Variants in GPC5 observed in about 807,000 individuals in gnomAD.
GPC5 encodes glypican 5, also known as glypican-5.
In GPC5, 47 loss-of-function variants were observed where a neutral mutation model predicts 53.9. The observed-to-expected ratio is 0.87, with a 90% CI of 0.69 to 1.11. The LOEUF (loss-of-function observed/expected upper bound fraction) is 1.11, where lower values mean the gene tolerates loss of function less well. Ranked by LOEUF, GPC5 falls within the 50% of genes most tolerant of loss-of-function variation. The pLI is 0.00. For missense variants in GPC5, 748 were observed against 713.1 expected (o/e 1.05, Z -0.56); for synonymous variants, 286 against 263.3 (o/e 1.09, Z -0.84).
intron 7 of GPC5, among the ~76,000 whole-genome samples, chr13:92,570,810 T>G (rs1180370145): frequency 6.6e-6 from 1 of 152,162 alleles, no homozygotes; most frequent in Non-Finnish European, 1.5e-5. Flanking sequence ...TTACATCTAT[T>G]TTTATGGCAC....
At chr13:92,330,398 T>C (rs569487172) in intron 7 of GPC5, among the ~76,000 whole-genome samples, 1 of 152,304 alleles carries the variant, frequency 6.6e-6, no homozygotes, top group African/African-American at 2.4e-5. Context: ...AGGTTGGGCC[T>C]TCATTTACTA....
At chr13:92,797,366 C>T (rs975151398) in intron 7 of GPC5, among the ~76,000 whole-genome samples, 5 of 151,814 alleles carry the variant, frequency 3.3e-5, no homozygotes, top group Non-Finnish European at 5.9e-5. Flanking sequence ...CCCCATTAAC[C>T]TGTTTCTTGA....
chr13:91,663,468 T>C (rs945920417), intron 2 of GPC5, among the ~76,000 whole-genome samples: 2 of 152,172 alleles, frequency 1.3e-5, no homozygotes, highest in Non-Finnish European at 2.9e-5. Context: ...TCTTTGCTTT[T>C]CTTTTTAGAG....
chr13:92,186,679 C>G (rs889390958), intron 7 of GPC5, among the ~76,000 whole-genome samples: 1 of 152,172 alleles, frequency 6.6e-6, no homozygotes, highest in East Asian at 1.9e-4. Flanking sequence ...TAACTCACTA[C>G]TGACTGCATC....
intron 7 of GPC5, among the ~76,000 whole-genome samples, chr13:92,785,106 T>C (rs1384689664): frequency 6.6e-6 from 1 of 152,018 alleles, no homozygotes; most frequent in Non-Finnish European, 1.5e-5. Context: ...TGAAACCCTG[T>C]CTCTACTTTA....
chr13:91,571,855 A>G lies in GPC5; in HGVS notation c.326-121332A>G, dbSNP rs1345948082. Among the ~76,000 whole-genome samples the G allele has an allele frequency of 1.1e-4, 15 of 132,738 alleles. 1 individual carries two copies. Among genetic ancestry groups the G allele is most frequent in the South Asian group, 2.6e-4 (1 of 3,782 alleles). 87.1% of individuals were successfully genotyped at this position (132,738 alleles called of 152,430 possible). On this transcript the variant is annotated intron_variant, in intron 2 of 7. Transcript: ENST00000377067. ...CACATATACTTGTGTGTATATACAC[A>G]TATACGTGTGTGTATATATACACAC...
chr13:92,309,229 A>G (rs1052523380), intron 7 of GPC5, among the ~76,000 whole-genome samples: 2 of 152,034 alleles, frequency 1.3e-5, no homozygotes, highest in Admixed American at 1.3e-4. Flanking sequence ...GGTATACCGC[A>G]ATGATTGAGG....
At position 92,007,676 on chromosome 13, in the gene GPC5, C is replaced by A. The variant is rs765805863; in HGVS notation, c.1401+99619C>A. ...TCTCTGCTTTTTTAGAACTTTGAAT[C>A]GTTAGTTTTTAGTGTAATTATTAAT... is the stretch of plus-strand genomic sequence containing the variant. On this transcript the variant is annotated intron_variant, in intron 6 of 7. Transcript: ENST00000377067. Among the ~76,000 whole-genome samples, 180 of 151,960 alleles carry A rather than the reference C, an allele frequency of 1.2e-3. 3 individuals are homozygous for A. The highest frequency in any genetic ancestry group is 3.5e-4 in the Non-Finnish European group (24 of 67,978).
At chr13:91,687,570 G>A (rs1422276390) in intron 2 of GPC5, among the ~76,000 whole-genome samples, 1 of 151,844 alleles carries the variant, frequency 6.6e-6, no homozygotes, top group Non-Finnish European at 1.5e-5. Flanking sequence ...ATAAGGCTGG[G>A]AAGAATTACA....
At chr13:92,376,597 CTG>C (rs968332417) in intron 7 of GPC5, among the ~76,000 whole-genome samples, 1 of 152,132 alleles carries the variant, frequency 6.6e-6, no homozygotes, top group Non-Finnish European at 1.5e-5. Flanking sequence ...AAGTAGAAAA[CTG>C]TATTCTAAAG....
At chr13:91,699,934 G>T (rs1053985239) in intron 3 of GPC5, among the ~76,000 whole-genome samples, 2 of 151,594 alleles carry the variant, frequency 1.3e-5, no homozygotes, top group African/African-American at 4.8e-5. Context: ...AGGTAATTTT[G>T]TTTTTTTTCA....
intron 6 of GPC5, among the ~76,000 whole-genome samples, chr13:92,122,873 A>G (rs575013668): frequency 3.4e-4 from 52 of 152,106 alleles, no homozygotes; most frequent in African/African-American, 1.1e-3. Context: ...GCAACAAAAA[A>G]AAGCAATTTT....
intron 5 of GPC5, among the ~76,000 whole-genome samples, chr13:91,757,694 C>G (rs2037325002): frequency 6.6e-6 from 1 of 152,132 alleles, no homozygotes; most frequent in Admixed American, 6.6e-5. Context: ...CCATGCTGAA[C>G]TATGAGTCAA....
At chr13:92,828,694 T>G (rs1416189520) in intron 7 of GPC5, among the ~76,000 whole-genome samples, 1 of 152,112 alleles carries the variant, frequency 6.6e-6, no homozygotes, top group African/African-American at 2.4e-5. Context: ...AAGTCCACTA[T>G]GAGGAGGATC....
chr13:92,197,412 G>A (rs997510577), intron 7 of GPC5, among the ~76,000 whole-genome samples: 1 of 152,152 alleles, frequency 6.6e-6, no homozygotes, highest in Admixed American at 6.5e-5. Context: ...ATATCAGGAA[G>A]TAAAAGGGAA....
chr13:91,868,171 A>G (rs2138925034), intron 5 of GPC5, among the ~76,000 whole-genome samples: 1 of 152,344 alleles, frequency 6.6e-6, no homozygotes, highest in South Asian at 2.1e-4. Context: ...AATATAAGCT[A>G]TATAAGCTGT....
At chr13:91,850,671 C>G (rs868400244) in intron 5 of GPC5, among the ~76,000 whole-genome samples, 5 of 151,746 alleles carry the variant, frequency 3.3e-5, no homozygotes, top group African/African-American at 9.7e-5. Flanking sequence ...TTTCAAAGAT[C>G]TATTTTTTAA....
rs575862030 is a variant in GPC5, at chr13:92,533,777, C to T, written c.1562-332505C>T. Among the ~76,000 whole-genome samples the T allele has an allele frequency of 2.0e-5, 3 of 152,280 alleles. No homozygotes were observed. The East Asian group carries it at 5.8e-4, about 29-fold the overall frequency. ...GAGGAAAGTAAGATTAATGGGAATT[C>T]ATGATGGCGGGCTCAACTTTTTTAT... On this transcript the variant is annotated intron_variant, in intron 7 of 7. Transcript: ENST00000377067.
At chr13:92,008,102 G>T (rs931153384) in intron 6 of GPC5, among the ~76,000 whole-genome samples, 1 of 135,180 alleles carries the variant, frequency 7.4e-6, no homozygotes, top group Non-Finnish European at 1.5e-5. Flanking sequence ...TCGCTCTGTC[G>T]CCCAGGCTGG....
Sources: gnomAD v4.1 joint callset for allele counts (sites outside exome capture counted in the v4.1 genomes callset) on GRCh38, gnomAD v4.1.1 for gene constraint, MANE v1.5 for transcripts, NCBI Gene and HGNC (gene_info 2026-07-23, HGNC 2026-07-21) for gene names.